The following FBXO25 variants were observed in gnomAD, a reference collection of about 807,000 sequenced individuals.
FBXO25 encodes F-box only protein 25.
Under a neutral mutation model 51.9 loss-of-function variants are expected in FBXO25, and 45 were observed. That is an observed-to-expected ratio of 0.87 (90% confidence interval 0.68 to 1.11). FBXO25 has a LOEUF of 1.11. Ranked by LOEUF, FBXO25 falls within the 50% of genes most tolerant of loss-of-function variation. FBXO25 has a pLI of 0.00. For missense variants in FBXO25, 507 were observed against 428.5 expected (o/e 1.18, Z -1.62); for synonymous variants, 199 against 151.0 (o/e 1.32, Z -2.33).
intron 1 of FBXO25, among the ~76,000 whole-genome samples, chr8:408,755 C>T (rs2117380090): frequency 6.6e-6 from 1 of 152,296 alleles, no homozygotes; most frequent in Middle Eastern, 3.4e-3. Flanking sequence ...TGAAGTATCC[C>T]ACCCACGTGT....
At position 473,353 on chromosome 8, in the gene FBXO25, G is replaced by T. The variant is rs1027982637; in HGVS notation, c.*4549G>T. The T allele has an allele frequency of 2.0e-5, 3 of 152,218 alleles. No individual in the cohort carries two copies. The highest frequency in any genetic ancestry group is 2.9e-5 in the Non-Finnish European group (2 of 68,084). The allele number at this position is 152,218 out of a possible 1,614,324, so 9.4% of individuals were successfully genotyped here. A position where few individuals can be genotyped will look rare whatever the true frequency, so the allele number is the denominator to read the frequency against. On this transcript the variant is annotated 3_prime_UTR_variant, in exon 10 of 10. Coordinates refer to ENST00000350302, the MANE Select transcript of FBXO25 (RefSeq NM_183420.2). ...ACAGTGTGTTCTAGGTGGTAACGTG[G>T]CACCTGCACATGCACCCCCAGCAGT...
chr8:407,551 C>T (rs1796233991), intron 1 of FBXO25: 2 of 585,876 alleles, frequency 3.4e-6, no homozygotes, highest in Admixed American at 6.3e-5. Flanking sequence ...GCGACCCCTT[C>T]CCGCCCCCAC....
chr8:451,456 A>G lies in FBXO25; in HGVS notation c.660+3A>G. On this transcript the variant is annotated splice_donor_region_variant and intron_variant, in intron 7 of 9. Coordinates refer to ENST00000350302, the MANE Select transcript of FBXO25 (RefSeq NM_183420.2). ...TACAGGATCTTCAGATGACTAAGGT[A>G]TAAATATCTCGGCATAAGAGTTATT... 17 of 1,612,430 alleles carry G rather than the reference A, an allele frequency of 1.1e-5. No individual in the cohort carries two copies. The highest frequency in any genetic ancestry group is 1.4e-5 in the Non-Finnish European group (16 of 1,179,398).
At chr8:418,566 T>C (rs13255353) in intron 2 of FBXO25, among the ~76,000 whole-genome samples, 9,555 of 152,050 alleles carry the variant, frequency 0.063, 320 homozygotes, top group Middle Eastern at 0.082. Flanking sequence ...TCTTGATCTC[T>C]TGACCTCAGG....
chr8:466,931 T>G (rs1271144497), intron 9 of FBXO25, among the ~76,000 whole-genome samples: 2 of 152,178 alleles, frequency 1.3e-5, no homozygotes, highest in Non-Finnish European at 2.9e-5. Flanking sequence ...ACTTGTTGGC[T>G]GGGTCAGGGA....
intron 8 of FBXO25, among the ~76,000 whole-genome samples, chr8:461,235 T>A (rs1201487759): frequency 6.6e-6 from 1 of 152,216 alleles, no homozygotes; most frequent in Non-Finnish European, 1.5e-5. Context: ...TATGCAGCCA[T>A]CACTACAGTC....
At chr8:443,038 C>T (rs1798525547) in intron 5 of FBXO25, among the ~76,000 whole-genome samples, 1 of 151,956 alleles carries the variant, frequency 6.6e-6, no homozygotes, top group East Asian at 1.9e-4. Flanking sequence ...GTGTTGTCAC[C>T]ACTCAGAAAT....
Position 470,153 on chromosome 8 carries a change from A to C in FBXO25, c.*1349A>C, listed in dbSNP as rs1226298127. 1 of 152,080 alleles carries C rather than the reference A, an allele frequency of 6.6e-6. No homozygotes were observed. The highest frequency in any genetic ancestry group is 1.5e-5 in the Non-Finnish European group (1 of 68,016). 9.4% of individuals were successfully genotyped at this position (152,080 alleles called of 1,614,324 possible). On this transcript the variant is annotated 3_prime_UTR_variant, in exon 10 of 10. Transcript: ENST00000350302. ...ACTTGGCTTTTATTAGCTCCACAGA[A>C]TCACCCAGATGGAACAGGCTTTTTC...
rs1479660319 is a variant in FBXO25 at position 473,345 on chromosome 8, G to A, written c.*4541G>A. ...AGCATGAGACAGTGTGTTCTAGGTG[G>A]TAACGTGGCACCTGCACATGCACCC... On this transcript the variant is annotated 3_prime_UTR_variant, in exon 10 of 10. Transcript: ENST00000350302. The A allele has an allele frequency of 2.6e-5, 4 of 152,242 alleles. No homozygotes were observed. Among genetic ancestry groups the A allele is most frequent in the Admixed American group, 2.6e-4 (4 of 15,282 alleles). 9.4% of individuals were successfully genotyped at this position (152,242 alleles called of 1,614,324 possible). A position where few individuals can be genotyped will look rare whatever the true frequency, so the allele number is the denominator to read the frequency against.
Position 471,887 on chromosome 8 carries a change from A to C in FBXO25, c.*3083A>C, listed in dbSNP as rs1031734720. Reference sequence around the variant, plus strand: ...CAAACTGTGTCTACTTTATGGAAAAAATTTAACCATCTGTGAACAGTTTTT... The same window carrying C: ...CAAACTGTGTCTACTTTATGGAAAACATTTAACCATCTGTGAACAGTTTTT... On this transcript the variant is annotated 3_prime_UTR_variant, in exon 10 of 10. Coordinates refer to ENST00000350302, the MANE Select transcript of FBXO25 (RefSeq NM_183420.2). 2 of 152,154 alleles carry C rather than the reference A, an allele frequency of 1.3e-5. No homozygotes were observed. Among genetic ancestry groups the C allele is most frequent in the African/African-American group, 4.8e-5 (2 of 41,424 alleles). 9.4% of individuals were successfully genotyped at this position (152,154 alleles called of 1,614,324 possible).
At chr8:425,808 T>G (rs1268045457) in intron 2 of FBXO25, among the ~76,000 whole-genome samples, 2 of 152,116 alleles carry the variant, frequency 1.3e-5, no homozygotes, top group Non-Finnish European at 2.9e-5. Flanking sequence ...CAAGTCCATT[T>G]TTTACATCAC....
chr8:424,095 G>A lies in FBXO25; in HGVS notation c.135-7246G>A, dbSNP rs565865639. ...GCCACTTGTATATCTTGTTTGAGAA[G>A]TGCCTGTTCATGTCCTTTGCCCATT... On this transcript the variant is annotated intron_variant, in intron 2 of 9. Transcript: ENST00000350302. 2.7e-5 allele frequency among the ~76,000 whole-genome samples: 4 copies of A among 150,254 alleles called. No homozygotes were observed. In the South Asian group the frequency reaches 8.5e-4, roughly 32 times the overall value.
At chr8:462,386 G>T (rs749192959) in intron 8 of FBXO25, among the ~76,000 whole-genome samples, 3 of 151,830 alleles carry the variant, frequency 2.0e-5, no homozygotes, top group South Asian at 2.1e-4. Context: ...ATATAAGTCT[G>T]TTATCACATA....
rs1800362223 is a variant in FBXO25 at position 468,797 on chromosome 8, A to T, written c.1070A>T (p.Lys357Met). The T allele has an allele frequency of 1.2e-6, 2 of 1,613,882 alleles. No individual in the cohort carries two copies. Among genetic ancestry groups the T allele is most frequent in the Non-Finnish European group, 1.7e-6 (2 of 1,179,970 alleles). Residue 357 changes from lysine (K) to methionine (M), a missense_variant, in exon 10 of 10, where the codon AAG becomes ATG. Transcript: ENST00000350302. Reference sequence around the variant, plus strand: ...CCGCAGCACTTCATCGACCTCTTCAAGTTTTAAGGGCTGCCCCTGCCATCC... The same window carrying T: ...CCGCAGCACTTCATCGACCTCTTCATGTTTTAAGGGCTGCCCCTGCCATCC... The part of the protein sequence containing the change: ...VSPQHFIDLF[K>M]F
rs532573019 is a variant in FBXO25, at chr8:473,064, C to G, written c.*4260C>G. 6.6e-6 allele frequency: 1 copy of G among 152,468 alleles called. No homozygotes were observed. The highest frequency in any genetic ancestry group is 1.5e-5 in the Non-Finnish European group (1 of 68,208). The allele number at this position is 152,468 out of a possible 1,614,324, so 9.4% of individuals were successfully genotyped here. A position where few individuals can be genotyped will look rare whatever the true frequency, so the allele number is the denominator to read the frequency against. On this transcript the variant is annotated 3_prime_UTR_variant, in exon 10 of 10. Transcript: ENST00000350302. The stretch of plus-strand genomic sequence containing the variant: ...CACCAGCCATTGGGGCCCTCTATGG[C>G]TGACACCAGCATCCACCCTGCACTC...
intron 5 of FBXO25, among the ~76,000 whole-genome samples, chr8:444,002 G>A (rs1391632618): frequency 1.3e-5 from 2 of 152,130 alleles, no homozygotes; most frequent in Non-Finnish European, 2.9e-5. Context: ...CAGTGCTGTG[G>A]CCTTGGGGCC....
chr8:428,564 C>G (rs970944442), intron 2 of FBXO25, among the ~76,000 whole-genome samples: 4 of 152,042 alleles, frequency 2.6e-5, no homozygotes, highest in African/African-American at 9.7e-5. Context: ...AATTGCCATC[C>G]TAACCATTTT....
chr8:463,145 T>G lies in FBXO25; in HGVS notation c.982T>G (p.Trp328Gly). 2 of 1,610,574 alleles carry G rather than the reference T, an allele frequency of 1.2e-6. No homozygotes were observed. The highest frequency in any genetic ancestry group is 1.7e-6 in the Non-Finnish European group (2 of 1,179,360). ...HFCRHCSILF[W>G]KDSGHPCTAA... Reference sequence around the variant, plus strand: ...CTGTCGGCACTGCAGCATTCTCTTTTGGAAGGTACTGATTTAAATGCACTC... The same window carrying G: ...CTGTCGGCACTGCAGCATTCTCTTTGGGAAGGTACTGATTTAAATGCACTC... The change falls in exon 9 of 10, where the codon TGG becomes GGG. Residue 328 changes from tryptophan (W) to glycine (G), a missense_variant. Coordinates refer to ENST00000350302, the MANE Select transcript of FBXO25 (RefSeq NM_183420.2).
rs34243501 is a variant in FBXO25, at chr8:476,169, A to ATTGAC, written c.*7370_*7374dup. 5 of 152,228 alleles carry ATTGAC rather than the reference A, an allele frequency of 3.3e-5. 1 individual carries two copies. The South Asian group carries it at 1.0e-3, about 32-fold the overall frequency. The allele number at this position is 152,228 out of a possible 1,614,324, so 9.4% of individuals were successfully genotyped here. A position where few individuals can be genotyped will look rare whatever the true frequency, so the allele number is the denominator to read the frequency against. On this transcript the variant is annotated 3_prime_UTR_variant, in exon 10 of 10. Transcript: ENST00000350302. ...TATTAATGTAATAGACATTACATTTATTGACTTGAGCATGTTGAAACATCT... is the reference window on the plus strand; with the variant it reads ...TATTAATGTAATAGACATTACATTTATTGACTTGACTTGAGCATGTTGAAACATCT...
Sources: allele counts gnomAD v4.1 joint callset (sites outside exome capture counted in the v4.1 genomes callset), GRCh38; gene constraint gnomAD v4.1.1; transcripts MANE v1.5; gene names NCBI Gene and HGNC (gene_info 2026-07-23, HGNC 2026-07-21).